Variants in OBI1 observed in about 807,000 individuals in gnomAD.
OBI1 encodes ring finger protein 219.
Under a neutral mutation model 62.4 loss-of-function variants are expected in OBI1, and 59 were observed. The ratio of observed to expected loss-of-function variants is 0.95; its 90% CI spans 0.77 to 1.17. The LOEUF is 1.17. OBI1 is among the 50% of genes most tolerant of loss of function. The pLI, the probability that OBI1 is intolerant of heterozygous loss-of-function variation, is 0.00. For synonymous variants in OBI1, 302 were observed against 292.8 expected, an observed-to-expected ratio of 1.03 and a Z score of -0.32; for missense variants, 875 against 830.9, an observed-to-expected ratio of 1.05 and a Z score of -0.65.
At chr13:78,657,577 A>G (rs147452637) in intron 1 of OBI1, among the ~76,000 whole-genome samples, 69 of 152,360 alleles carry the variant, frequency 4.5e-4, no homozygotes, top group African/African-American at 1.7e-3. Context: ...AAATCACTAT[A>G]TTCTATGAGG....
At chr13:78,658,103 T>A (rs957019493) in intron 1 of OBI1, among the ~76,000 whole-genome samples, 1 of 152,188 alleles carries the variant, frequency 6.6e-6, no homozygotes, top group African/African-American at 2.4e-5. Context: ...TGGCCGGCAC[T>A]CAAATGCTTG....
At chr13:78,646,176 C>T (rs1384483317) in intron 1 of OBI1, among the ~76,000 whole-genome samples, 2 of 152,162 alleles carry the variant, frequency 1.3e-5, no homozygotes, top group Non-Finnish European at 2.9e-5. Context: ...AGAGAAGCTG[C>T]TTTGGTTTTC....
chr13:78,624,445 A>G (rs1875604853), intron 5 of OBI1, among the ~76,000 whole-genome samples: 1 of 152,114 alleles, frequency 6.6e-6, no homozygotes, highest in Non-Finnish European at 1.5e-5. Context: ...TTAATAGCTT[A>G]TATTATTAAC....
Position 78,617,006 on chromosome 13 carries a change from G to A in OBI1, c.755C>T (p.Ser252Phe), listed in dbSNP as rs777716041. ...RSDKYIEELE[S>F]QVAQLKNSSE... ...TGAATTTTTTAGCTGTGCAACTTGA[G>A]ATTCTAGTTCCTCTATATACTTATC... Residue 252 changes from serine to phenylalanine, a missense_variant, in exon 6 of 6, where the codon TCT becomes TTT. Ser to Phe is a radical substitution (Grantham distance 155). Coordinates refer to ENST00000282003, the MANE Select transcript of OBI1 (RefSeq NM_024546.4). 4 of 1,614,062 alleles carry A rather than the reference G, an allele frequency of 2.5e-6. No homozygotes were observed. The highest frequency in any genetic ancestry group is 3.4e-6 in the Non-Finnish European group (4 of 1,179,938).
At chr13:78,642,852 A>C (rs2137458546) in intron 2 of OBI1, among the ~76,000 whole-genome samples, 1 of 151,972 alleles carries the variant, frequency 6.6e-6, no homozygotes, top group African/African-American at 2.4e-5. Flanking sequence ...GCGCCACTGC[A>C]CTCCAGCCTG....
intron 1 of OBI1, among the ~76,000 whole-genome samples, chr13:78,645,358 T>C (rs550580069): frequency 3.3e-5 from 5 of 152,350 alleles, no homozygotes; most frequent in East Asian, 1.9e-4. Flanking sequence ...GATTAGGTTT[T>C]TGAAAATATC....
intron 2 of OBI1, among the ~76,000 whole-genome samples, chr13:78,644,566 C>T (rs1316275428): frequency 6.6e-6 from 1 of 152,042 alleles, no homozygotes; most frequent in Non-Finnish European, 1.5e-5. Context: ...GCTGAAGTTT[C>T]TTGCCTGAAC....
chr13:78,619,336 T>A (rs908271486), intron 5 of OBI1, among the ~76,000 whole-genome samples: 4 of 151,902 alleles, frequency 2.6e-5, no homozygotes, highest in African/African-American at 9.7e-5. Flanking sequence ...TATATTTTTT[T>A]TTTTTAGAAA....
chr13:78,619,085 A>G (rs940820019), intron 5 of OBI1, among the ~76,000 whole-genome samples: 7 of 152,160 alleles, frequency 4.6e-5, no homozygotes, highest in African/African-American at 1.7e-4. Flanking sequence ...AAAATTTTTT[A>G]TAATAAAGGT....
chr13:78,632,452 T>C (rs1015200243), intron 5 of OBI1, among the ~76,000 whole-genome samples: 2 of 152,182 alleles, frequency 1.3e-5, no homozygotes, highest in African/African-American at 4.8e-5. Context: ...CTCACTCTTC[T>C]GTATGATTTG....
Position 78,644,854 on chromosome 13 carries a change from G to A in OBI1, c.208+8C>T. On this transcript the variant is annotated splice_region_variant and intron_variant, in intron 2 of 5. Coordinates refer to ENST00000282003, the MANE Select transcript of OBI1 (RefSeq NM_024546.4). The stretch of plus-strand genomic sequence containing the variant: ...CTATTCCTATGCATATATAAAACAG[G>A]CCCTTACCTATAATTTCTTTGCAAG... 1 of 1,612,814 alleles carries A rather than the reference G, an allele frequency of 6.2e-7. No individual in the cohort carries two copies. The highest frequency in any genetic ancestry group is 1.3e-5 in the African/African-American group (1 of 74,966).
Position 78,616,958 on chromosome 13 carries a change from T to G in OBI1, c.803A>C (p.Asn268Thr). The G allele has an allele frequency of 6.2e-7, 1 of 1,614,222 alleles. No homozygotes were observed. Among genetic ancestry groups the G allele is most frequent in the Non-Finnish European group, 8.5e-7 (1 of 1,180,030 alleles). ...AGAAAGTGCTGTCTGGCAAATGGAA[T>G]TCATAGCTTCTTTCTCTTCACTTGA... ...KNSSEEKEAM[N>T]SICQTALSAD... is the part of the protein sequence containing the mutation. The change falls in exon 6 of 6, where the codon AAT becomes ACT. Residue 268 changes from asparagine to threonine, a missense_variant. Coordinates refer to ENST00000282003, the MANE Select transcript of OBI1 (RefSeq NM_024546.4).
chr13:78,622,181 T>C (rs1274772565), intron 5 of OBI1, among the ~76,000 whole-genome samples: 1 of 152,220 alleles, frequency 6.6e-6, no homozygotes, highest in Non-Finnish European at 1.5e-5. Context: ...CCATGGCTCA[T>C]GCCTGTAATT....
At chr13:78,623,105 A>G (rs1875559671) in intron 5 of OBI1, among the ~76,000 whole-genome samples, 1 of 152,156 alleles carries the variant, frequency 6.6e-6, no homozygotes, top group African/African-American at 2.4e-5. Flanking sequence ...TAATTTGCCA[A>G]TGTTTCCTCA....
At chr13:78,621,983 G>A (rs183685327) in intron 5 of OBI1, among the ~76,000 whole-genome samples, 8 of 152,232 alleles carry the variant, frequency 5.3e-5, no homozygotes, top group Admixed American at 6.5e-5. Context: ...AAAAAACCAC[G>A]AATTCTCAAT....
chr13:78,622,953 T>C (rs1279686131), intron 5 of OBI1, among the ~76,000 whole-genome samples: 1 of 152,154 alleles, frequency 6.6e-6, no homozygotes, highest in Non-Finnish European at 1.5e-5. Context: ...ATCTCTTTTC[T>C]CTCACCTGCT....
chr13:78,624,894 G>A (rs1339328286), intron 5 of OBI1, among the ~76,000 whole-genome samples: 1 of 152,172 alleles, frequency 6.6e-6, no homozygotes, highest in East Asian at 1.9e-4. Flanking sequence ...CCATTTCCAA[G>A]GTTTCTTTCC....
At chr13:78,649,541 G>A (rs1283855299) in intron 1 of OBI1, among the ~76,000 whole-genome samples, 1 of 152,220 alleles carries the variant, frequency 6.6e-6, no homozygotes, top group African/African-American at 2.4e-5. Context: ...GACAATGAAA[G>A]ATGAAGAAGT....
At position 78,615,574 on chromosome 13, in the gene OBI1, A is replaced by C; in HGVS notation, c.*6T>G. The C allele has an allele frequency of 6.3e-7, 1 of 1,578,028 alleles. No individual in the cohort carries two copies. The highest frequency in any genetic ancestry group is 1.2e-5 in the South Asian group (1 of 84,876). On this transcript the variant is annotated 3_prime_UTR_variant, in exon 6 of 6. Coordinates refer to ENST00000282003, the MANE Select transcript of OBI1 (RefSeq NM_024546.4). Reference sequence around the variant, plus strand: ...ACAAAACCACAAATGACACCTTTCTAATGAGTCAACTTTTAGTTGCTTTTG... The same window carrying C: ...ACAAAACCACAAATGACACCTTTCTCATGAGTCAACTTTTAGTTGCTTTTG...
Sources: gnomAD v4.1 joint callset for allele counts (sites outside exome capture counted in the v4.1 genomes callset) on GRCh38, gnomAD v4.1.1 for gene constraint, MANE v1.5 for transcripts, NCBI Gene and HGNC (gene_info 2026-07-23, HGNC 2026-07-21) for gene names.